Variants in NEBL observed in about 807,000 individuals in gnomAD.
The protein encoded by NEBL is LIM and SH3 protein 2.
Under a neutral mutation model 140.2 loss-of-function variants are expected in NEBL, and 122 were observed. That is an observed-to-expected ratio of 0.87 (90% CI 0.75 to 1.01). The LOEUF (loss-of-function observed/expected upper bound fraction) is 1.01, where lower values mean the gene tolerates loss of function less well. Among genes scored for constraint, NEBL ranks in the 50% least tolerant of loss-of-function variants. NEBL has a pLI of 0.00. For missense variants in NEBL, 1,365 were observed against 1,231.3 expected, an observed-to-expected ratio of 1.11 and a Z score of -1.62; for synonymous variants, 436 against 398.9, an observed-to-expected ratio of 1.09 and a Z score of -1.11.
At chr10:21,288,709 G>GAACTCATTCCACTGCACTCT (rs1843094254) in intron 1 of NEBL, among the ~76,000 whole-genome samples, 1 of 134,768 alleles carries the variant, frequency 7.4e-6, no homozygotes, top group Non-Finnish European at 1.6e-5. Context: ...GCAGTGAGCC[G>GAACTCATTCCACTGCACTCT]AACTCATTCC....
chr10:21,047,450 CTA>C (rs1356359775), intron 2 of NEBL, among the ~76,000 whole-genome samples: 1 of 151,914 alleles, frequency 6.6e-6, no homozygotes, highest in African/African-American at 2.4e-5. Flanking sequence ...ATAGAAGAAT[CTA>C]TTAATAATAC....
At chr10:21,040,499 T>C (rs1223271686) in intron 2 of NEBL, among the ~76,000 whole-genome samples, 1 of 151,776 alleles carries the variant, frequency 6.6e-6, no homozygotes, top group Non-Finnish European at 1.5e-5. Flanking sequence ...GAAGGAGAAA[T>C]AGAGGAGAGA....
intron 2 of NEBL, among the ~76,000 whole-genome samples, chr10:21,060,912 T>G (rs1376806150): frequency 6.6e-6 from 1 of 152,172 alleles, no homozygotes; most frequent in Admixed American, 6.5e-5. Context: ...ACTTGGCTTC[T>G]GGAGTGCCAT....
At chr10:20,924,413 TAA>T (rs71390800) in intron 4 of NEBL, among the ~76,000 whole-genome samples, 11 of 59,054 alleles carry the variant, frequency 1.9e-4, no homozygotes, top group African/African-American at 3.3e-4. Context: ...AGGCATGAAG[TAA>T]AAAAAAAAAA....
At chr10:21,268,360 G>A (rs1009857935) in intron 1 of NEBL, among the ~76,000 whole-genome samples, 1 of 152,112 alleles carries the variant, frequency 6.6e-6, no homozygotes, top group Admixed American at 6.6e-5. Flanking sequence ...GTATGCACCT[G>A]TAGTCCCAGC....
At chr10:20,855,535 A>AAAC (rs1564388470) in intron 9 of NEBL, among the ~76,000 whole-genome samples, 3 of 151,452 alleles carry the variant, frequency 2.0e-5, no homozygotes, top group Non-Finnish European at 3.0e-5. Context: ...CAAAAAAAAA[A>AAAC]CGAAGGAAAA....
intron 4 of NEBL, among the ~76,000 whole-genome samples, chr10:20,908,077 T>A (rs1848176348): frequency 6.6e-6 from 1 of 152,118 alleles, no homozygotes; most frequent in Non-Finnish European, 1.5e-5. Flanking sequence ...CGAGAAAAGG[T>A]ACCAAAGGAT....
chr10:21,048,782 G>C (rs143657973), intron 2 of NEBL, among the ~76,000 whole-genome samples: 457 of 152,228 alleles, frequency 3.0e-3, no homozygotes, highest in Non-Finnish European at 5.2e-3. Context: ...GATCACCTTA[G>C]GTCAGGAGTA....
At chr10:20,862,010 A>G (rs573017024) in intron 7 of NEBL, among the ~76,000 whole-genome samples, 3 of 152,330 alleles carry the variant, frequency 2.0e-5, no homozygotes, top group African/African-American at 7.2e-5. Context: ...TCTAATAACA[A>G]GCCTGTTTTA....
At chr10:20,981,370 C>T (rs932381848) in intron 3 of NEBL, among the ~76,000 whole-genome samples, 2 of 151,832 alleles carry the variant, frequency 1.3e-5, no homozygotes, top group Non-Finnish European at 2.9e-5. Context: ...ATCTCACCCC[C>T]TTCCTAGTAT....
chr10:21,089,496 T>G (rs1836806442), intron 2 of NEBL, among the ~76,000 whole-genome samples: 1 of 149,760 alleles, frequency 6.7e-6, no homozygotes, highest in African/African-American at 2.5e-5. Context: ...GCCAAAGAGG[T>G]GGGGGGTGAC....
At position 20,808,618 on chromosome 10, in the gene NEBL, A is replaced by G. The variant is rs768620205; in HGVS notation, c.2653T>C (p.Ser885Pro). ...AGACCTGTACCGAAAGTACTGCTGG[A>G]ATGGGATCGAGACCAGTGTCGCCTA... ...HYRRHWSRSH[S>P]SSTFGTGLGD... is the part of the protein sequence containing the mutation. Residue 885 changes from serine to proline, a missense_variant, in exon 26 of 28, where the codon TCC becomes CCC. Ser to Pro is a moderately conservative substitution (Grantham distance 74, BLOSUM62 -1). This residue lies in a region of NEBL where 1,323 missense variants were observed against 1,154.8 expected (regional missense o/e 1.15). Coordinates refer to ENST00000377122, the MANE Select transcript of NEBL (RefSeq NM_006393.3). 16 of 1,613,378 alleles carry G rather than the reference A, an allele frequency of 9.9e-6. No individual in the cohort carries two copies. Among genetic ancestry groups the G allele is most frequent in the Non-Finnish European group, 1.3e-5 (15 of 1,179,436 alleles).
chr10:20,830,293 C>T (rs1431964922), intron 16 of NEBL, among the ~76,000 whole-genome samples: 1 of 152,198 alleles, frequency 6.6e-6, no homozygotes, highest in South Asian at 2.1e-4. Context: ...AAATTAAATG[C>T]TATGGTCAAT....
chr10:21,257,478 A>T (rs914061630), intron 1 of NEBL, among the ~76,000 whole-genome samples: 5 of 152,244 alleles, frequency 3.3e-5, no homozygotes, highest in African/African-American at 1.2e-4. Flanking sequence ...TGCCTGGCAC[A>T]TAATAGCTAG....
chr10:21,146,293 G>A (rs759403329), intron 2 of NEBL: 20 of 1,491,342 alleles, frequency 1.3e-5, no homozygotes, highest in Non-Finnish European at 2.7e-6. Context: ...ACGTGGCCCT[G>A]TCTCAGCACA....
intron 3 of NEBL, among the ~76,000 whole-genome samples, chr10:21,011,458 T>C (rs1838335645): frequency 6.6e-6 from 1 of 152,234 alleles, no homozygotes; most frequent in Admixed American, 6.5e-5. Context: ...AACAGTCAGC[T>C]TAGGTCAATT....
At chr10:21,233,085 CAG>C (rs1426080073) in intron 3 of NEBL, among the ~76,000 whole-genome samples, 1 of 152,182 alleles carries the variant, frequency 6.6e-6, no homozygotes, top group East Asian at 1.9e-4. Context: ...TTTATTGAGA[CAG>C]AGTCTCACTC....
chr10:20,899,783 T>C (rs917156963), upstream of NEBL: 2 of 173,034 alleles, frequency 1.2e-5, no homozygotes, highest in African/African-American at 4.8e-5. Context: ...GTGAATAAAA[T>C]ATTCTTCATA....
chr10:21,172,142 C>T, intron 2 of NEBL: 1 of 539,144 alleles, frequency 1.9e-6, no homozygotes, highest in Non-Finnish European at 3.3e-6. Context: ...GGCTGTAACA[C>T]TGCGAACCTC....
Sources: allele counts gnomAD v4.1 joint callset (sites outside exome capture counted in the v4.1 genomes callset), GRCh38; gene constraint gnomAD v4.1.1; regional missense constraint gnomAD v4.1.1; transcripts MANE v1.5; gene names NCBI Gene and HGNC (gene_info 2026-07-23, HGNC 2026-07-21).